MAP2: variants seen among roughly 807,000 people sequenced by gnomAD.
MAP2 encodes microtubule associated protein 2.
A neutral mutation model predicts 137.6 loss-of-function variants in MAP2; 14 were observed. The ratio of observed to expected loss-of-function variants is 0.10; its 90% CI spans 0.07 to 0.16. The LOEUF (loss-of-function observed/expected upper bound fraction) is 0.16, where lower values mean the gene tolerates loss of function less well. Among genes scored for constraint, MAP2 ranks in the 10% least tolerant of loss-of-function variants. The pLI is 1.00. For synonymous variants in MAP2, 786 were observed against 782.3 expected (o/e 1.00, Z -0.08); for missense variants, 2,088 against 2,191.5 (o/e 0.95, Z 0.94).
At chr2:209,630,281 T>A (rs2092851709) in intron 4 of MAP2, among the ~76,000 whole-genome samples, 1 of 151,860 alleles carries the variant, frequency 6.6e-6, no homozygotes, top group Admixed American at 6.6e-5. Context: ...ATTCTCCCAA[T>A]CTCTCTGGGG....
At chr2:209,543,053 C>T (rs977991436) in intron 2 of MAP2, among the ~76,000 whole-genome samples, 3 of 152,222 alleles carry the variant, frequency 2.0e-5, no homozygotes, top group Admixed American at 6.5e-5. Context: ...CTTAGTCATT[C>T]CTAGTTTTTT....
chr2:209,551,994 A>G (rs1408215314), intron 2 of MAP2, among the ~76,000 whole-genome samples: 1 of 152,230 alleles, frequency 6.6e-6, no homozygotes, highest in East Asian at 1.9e-4. Flanking sequence ...CCATACTGCT[A>G]GTAAGATTAA....
At chr2:209,668,602 T>C (rs925798228) in intron 5 of MAP2, among the ~76,000 whole-genome samples, 3 of 152,096 alleles carry the variant, frequency 2.0e-5, no homozygotes, top group African/African-American at 7.2e-5. Context: ...TGCTTTTTAC[T>C]GTCATAATGG....
intron 2 of MAP2, among the ~76,000 whole-genome samples, chr2:209,515,845 A>G (rs2062413181): frequency 6.6e-6 from 1 of 152,148 alleles, no homozygotes; most frequent in South Asian, 2.1e-4. Context: ...AAAGTACAGT[A>G]GTGTGATCAT....
chr2:209,432,956 C>T (rs1341866724), intron 1 of MAP2, among the ~76,000 whole-genome samples: 2 of 152,080 alleles, frequency 1.3e-5, no homozygotes, highest in Non-Finnish European at 2.9e-5. Context: ...ACATGATGTT[C>T]TTACTTGGGA....
At chr2:209,637,642 C>CACTGGT (rs2093675755) in intron 4 of MAP2, among the ~76,000 whole-genome samples, 1 of 152,104 alleles carries the variant, frequency 6.6e-6, no homozygotes, top group Non-Finnish European at 1.5e-5. Flanking sequence ...ACCTAACCAT[C>CACTGGT]AGCCTCACTG....
intron 1 of MAP2, among the ~76,000 whole-genome samples, chr2:209,443,562 C>A (rs1455656007): frequency 2.4e-4 from 1 of 4,138 alleles, no homozygotes; most frequent in African/African-American, 3.3e-3. Flanking sequence ...TGCTACCAGT[C>A]TCTTCAACGA....
intron 1 of MAP2, among the ~76,000 whole-genome samples, chr2:209,448,610 C>T (rs1699634959): frequency 6.6e-6 from 1 of 152,070 alleles, no homozygotes; most frequent in African/African-American, 2.4e-5. Flanking sequence ...CAGGGAAGAT[C>T]CCATTCCTTG....
intron 2 of MAP2, among the ~76,000 whole-genome samples, chr2:209,563,826 C>T (rs956012003): frequency 2.0e-5 from 3 of 152,106 alleles, no homozygotes; most frequent in African/African-American, 4.8e-5. Context: ...CTTTGCTTTG[C>T]GTTGAAAAAA....
chr2:209,598,554 C>A (rs1307815238), intron 3 of MAP2, among the ~76,000 whole-genome samples: 2 of 148,188 alleles, frequency 1.3e-5, no homozygotes, highest in Non-Finnish European at 3.0e-5. Flanking sequence ...CCCACTAACT[C>A]GTCATCTAGC....
chr2:209,669,412 A>G (rs2047804190), intron 5 of MAP2, among the ~76,000 whole-genome samples: 2 of 152,074 alleles, frequency 1.3e-5, no homozygotes, highest in Admixed American at 1.3e-4. Flanking sequence ...ATGAGAGAGA[A>G]GGATCAAACA....
intron 1 of MAP2, among the ~76,000 whole-genome samples, chr2:209,448,982 G>T (rs1037930406): frequency 1.3e-5 from 2 of 152,098 alleles, no homozygotes; most frequent in African/African-American, 4.8e-5. Context: ...AGATATGGGG[G>T]ACTCTGTAAC....
rs945624394 is a variant in MAP2 at position 209,732,560 on chromosome 2, G to A, written c.*2163G>A. 2 of 152,262 alleles carry A rather than the reference G, an allele frequency of 1.3e-5. No homozygotes were observed. The highest frequency in any genetic ancestry group is 2.1e-4 in the South Asian group (1 of 4,824). 9.4% of individuals were successfully genotyped at this position (152,262 alleles called of 1,614,324 possible). A position where few individuals can be genotyped will look rare whatever the true frequency, so the allele number is the denominator to read the frequency against. ...GCACCAGAAAATAGAAGAAAGGTGTGTGGAGACTTAGGGTATTTTATTACA... is the reference window on the plus strand; with the variant it reads ...GCACCAGAAAATAGAAGAAAGGTGTATGGAGACTTAGGGTATTTTATTACA... On this transcript the variant is annotated 3_prime_UTR_variant, in exon 16 of 16. Transcript: ENST00000682079.
intron 5 of MAP2, among the ~76,000 whole-genome samples, chr2:209,669,020 G>A (rs1582915568): frequency 6.6e-6 from 1 of 152,008 alleles, no homozygotes; most frequent in Non-Finnish European, 1.5e-5. Flanking sequence ...GACTTTTAAA[G>A]TCTGTCAAGT....
chr2:209,505,431 T>C (rs2060911401), intron 1 of MAP2, among the ~76,000 whole-genome samples: 1 of 152,196 alleles, frequency 6.6e-6, no homozygotes, highest in East Asian at 1.9e-4. Flanking sequence ...CTGGACGCTA[T>C]CATTCTTATT....
intron 13 of MAP2, among the ~76,000 whole-genome samples, chr2:209,720,332 G>C (rs575412945): frequency 8.5e-5 from 13 of 152,238 alleles, no homozygotes; most frequent in Admixed American, 4.6e-4. Context: ...TATTAATAGT[G>C]CAAGTAAAAA....
intron 14 of MAP2, among the ~76,000 whole-genome samples, chr2:209,729,033 T>C (rs2075149144): frequency 6.6e-6 from 1 of 152,220 alleles, no homozygotes; most frequent in Non-Finnish European, 1.5e-5. Flanking sequence ...ACTTGCCCAG[T>C]GTAGAAGAAC....
chr2:209,625,016 C>CTATTATATT (rs1247910087), intron 3 of MAP2, 37 bp from the exon 4 acceptor site: 2 of 152,086 alleles, frequency 1.3e-5, no homozygotes, highest in African/African-American at 4.8e-5. Flanking sequence ...GTATATGGAT[C>CTATTATATT]AGGGATTAAA....
At chr2:209,720,689 T>C (rs1385701964) in intron 13 of MAP2, among the ~76,000 whole-genome samples, 1 of 149,172 alleles carries the variant, frequency 6.7e-6, no homozygotes, top group Non-Finnish European at 1.5e-5. Flanking sequence ...GAGATTAAAA[T>C]GTGATTTAGA....
Sources: gnomAD v4.1 joint callset for allele counts (sites outside exome capture counted in the v4.1 genomes callset) on GRCh38, gnomAD v4.1.1 for gene constraint, MANE v1.5 for transcripts, NCBI Gene and HGNC (gene_info 2026-07-23, HGNC 2026-07-21) for gene names.